NELL1: variants seen among roughly 807,000 people sequenced by gnomAD.
NELL1 encodes the protein neural EGFL like 1.
NELL1 carries 76 observed loss-of-function variants against 107.4 expected under a neutral mutation model. The ratio of observed to expected loss-of-function variants is 0.71; its 90% CI spans 0.59 to 0.86. NELL1 has a LOEUF of 0.86. Among genes scored for constraint, NELL1 ranks in the 40% least tolerant of loss-of-function variants. NELL1 has a pLI of 0.00. For missense variants in NELL1, 1,024 were observed against 1,005.5 expected (o/e 1.02, Z -0.25); for synonymous variants, 353 against 341.2 (o/e 1.03, Z -0.38).
chr11:21,508,474 C>T (rs973977418), intron 15 of NELL1, among the ~76,000 whole-genome samples: 13 of 151,922 alleles, frequency 8.6e-5, no homozygotes, highest in Non-Finnish European at 1.5e-4. Flanking sequence ...CAAAACATTG[C>T]AGAAAATAAA....
intron 12 of NELL1, among the ~76,000 whole-genome samples, chr11:21,034,717 C>T (rs951823690): frequency 6.6e-6 from 1 of 152,020 alleles, no homozygotes; most frequent in African/African-American, 2.4e-5. Context: ...AAGGATACAA[C>T]ATACTAGAAT....
chr11:21,158,261 C>T lies in NELL1; in HGVS notation c.1426+44547C>T, dbSNP rs181812750. On this transcript the variant is annotated intron_variant, in intron 13 of 19. Coordinates refer to ENST00000357134, the MANE Select transcript of NELL1 (RefSeq NM_006157.5). ...TCCCTACTTTTGAGATTTTGGGGCT[C>T]GGACTGGCTTCCTTGCTCCTCAGCT... 3.1e-3 allele frequency among the ~76,000 whole-genome samples: 475 copies of T among 152,272 alleles called. 1 individual carries two copies. The highest frequency in any genetic ancestry group is 4.7e-3 in the Non-Finnish European group (321 of 68,022).
chr11:21,270,752 C>A lies in NELL1; in HGVS notation c.1549+41298C>A, dbSNP rs150500273. On this transcript the variant is annotated intron_variant, in intron 14 of 19. Transcript: ENST00000357134. ...TCTTCTCAAGCTCACATGGAACATTCATCAAAATAAACCATGTTCTGGGTC... is the reference window on the plus strand; with the variant it reads ...TCTTCTCAAGCTCACATGGAACATTAATCAAAATAAACCATGTTCTGGGTC... Among the ~76,000 whole-genome samples, 345 of 152,174 alleles carry A rather than the reference C, an allele frequency of 2.3e-3. 3 individuals are homozygous for A. The highest frequency in any genetic ancestry group is 7.7e-3 in the African/African-American group (321 of 41,550).
At chr11:20,925,801 CA>C (rs1850484191) in intron 7 of NELL1, among the ~76,000 whole-genome samples, 1 of 151,990 alleles carries the variant, frequency 6.6e-6, no homozygotes, top group Non-Finnish European at 1.5e-5. Context: ...TGAGAAATTC[CA>C]AAAGCTTGGA....
At chr11:21,276,841 C>T (rs1177385136) in intron 14 of NELL1, among the ~76,000 whole-genome samples, 1 of 152,134 alleles carries the variant, frequency 6.6e-6, no homozygotes, top group Non-Finnish European at 1.5e-5. Context: ...AACTGGCTAG[C>T]CATACGTAGA....
rs1854458839 is a variant in NELL1 at position 21,480,225 on chromosome 11, T to C, written c.1646-54149T>C. Among the ~76,000 whole-genome samples, 3 of 152,188 alleles carry C rather than the reference T, an allele frequency of 2.0e-5. No homozygotes were observed. In the South Asian group the frequency reaches 6.2e-4, roughly 31 times the overall value. ...GAAGTTTTCCTGATGCTTTTACTAT[T>C]AGCTTTGGAATCAGTGAACCTTTAA... On this transcript the variant is annotated intron_variant, in intron 15 of 19. Transcript: ENST00000357134.
At chr11:21,266,935 T>C (rs1173937951) in intron 14 of NELL1, among the ~76,000 whole-genome samples, 1 of 152,142 alleles carries the variant, frequency 6.6e-6, no homozygotes, top group Non-Finnish European at 1.5e-5. Context: ...AACATGGAAT[T>C]AGAGTTAGCT....
chr11:21,368,742 T>G (rs1192219666), intron 14 of NELL1, among the ~76,000 whole-genome samples: 7 of 152,122 alleles, frequency 4.6e-5, no homozygotes, highest in African/African-American at 1.4e-4. Context: ...TTACATTGTA[T>G]TCTAGTATCA....
chr11:20,787,061 G>A (rs1590294180), intron 3 of NELL1, among the ~76,000 whole-genome samples: 2 of 145,988 alleles, frequency 1.4e-5, no homozygotes, highest in African/African-American at 5.1e-5. Flanking sequence ...TTGCAAGAGA[G>A]CCAAGCAGGC....
intron 4 of NELL1, among the ~76,000 whole-genome samples, chr11:20,856,052 G>A (rs557466921): frequency 6.6e-6 from 1 of 152,326 alleles, no homozygotes; most frequent in South Asian, 2.1e-4. Flanking sequence ...AGAGCTGTTG[G>A]ACACAAGAAA....
At chr11:21,424,663 G>T (rs1045059206) in intron 15 of NELL1, among the ~76,000 whole-genome samples, 1 of 151,958 alleles carries the variant, frequency 6.6e-6, no homozygotes, top group Non-Finnish European at 1.5e-5. Context: ...ACAAAAAAAT[G>T]AGTACGGTAT....
chr11:21,287,333 G>A (rs1429216072), intron 14 of NELL1, among the ~76,000 whole-genome samples: 1 of 151,996 alleles, frequency 6.6e-6, no homozygotes, highest in Admixed American at 6.6e-5. Context: ...TGTCTTGCCT[G>A]TAGTTTAGCC....
Position 20,885,522 on chromosome 11 carries a change from A to C in NELL1, c.585A>C (p.Gln195His), listed in dbSNP as rs757414487. Residue 195 changes from glutamine to histidine, a missense_variant, in exon 5 of 20, where the codon CAA becomes CAC. By Grantham distance (24) the Gln-to-His change is conservative (BLOSUM62 0). Transcript: ENST00000357134. ...GINLWLGQRN[Q>H]KHGLFKGIIQ... is the part of the protein sequence containing the mutation. The stretch of plus-strand genomic sequence containing the variant: ...ATTTATGGCTTGGCCAGCGCAACCA[A>C]AAGCATGGCTTATTCAAAGTAAGCA... 1 of 1,609,566 alleles carries C rather than the reference A, an allele frequency of 6.2e-7. No individual in the cohort carries two copies. Among genetic ancestry groups the C allele is most frequent in the Admixed American group, 1.7e-5 (1 of 60,012 alleles).
At chr11:21,484,056 A>T (rs1854565610) in intron 15 of NELL1, among the ~76,000 whole-genome samples, 1 of 132,748 alleles carries the variant, frequency 7.5e-6, no homozygotes, top group African/African-American at 2.8e-5. Flanking sequence ...TCATTATATA[A>T]AATATCCTAA....
chr11:21,421,710 AG>A, intron 15 of NELL1, among the ~76,000 whole-genome samples: 1 of 152,292 alleles, frequency 6.6e-6, no homozygotes, highest in Admixed American at 6.5e-5. Flanking sequence ...AGAGAGAAAA[AG>A]GAGCAGAGAG....
intron 12 of NELL1, among the ~76,000 whole-genome samples, chr11:20,975,058 G>A (rs2014808): frequency 0.17 from 25,486 of 151,956 alleles, 2,467 homozygotes; most frequent in Middle Eastern, 0.28. Flanking sequence ...CACTCATGCT[G>A]GAGTGCAGTG....
intron 2 of NELL1, among the ~76,000 whole-genome samples, chr11:20,754,287 C>G (rs1281835561): frequency 2.0e-5 from 3 of 152,144 alleles, no homozygotes; most frequent in Non-Finnish European, 4.4e-5. Flanking sequence ...AGAAATAAGA[C>G]AGTTAAATGT....
At chr11:21,489,312 C>A (rs1004752369) in intron 15 of NELL1, among the ~76,000 whole-genome samples, 2 of 140,026 alleles carry the variant, frequency 1.4e-5, no homozygotes, top group African/African-American at 2.7e-5. Flanking sequence ...AGCCCAGGAC[C>A]TGGTGGATTC....
At position 20,677,235 on chromosome 11, in the gene NELL1, C is replaced by T. The variant is rs554593858; in HGVS notation, c.56-697C>T. ...ACCCTTCTTCAACAGGGACAGGGTC[C>T]TTTTCCACTTTTTTCCTCCTTAACA... On this transcript the variant is annotated intron_variant, in intron 1 of 19. Transcript: ENST00000357134. 2.6e-5 allele frequency among the ~76,000 whole-genome samples: 4 copies of T among 152,172 alleles called. No individual in the cohort carries two copies. The South Asian group carries it at 8.3e-4, about 32-fold the overall frequency.
Sources: gnomAD v4.1 joint callset for allele counts (sites outside exome capture counted in the v4.1 genomes callset) on GRCh38, gnomAD v4.1.1 for gene constraint, MANE v1.5 for transcripts, NCBI Gene and HGNC (gene_info 2026-07-23, HGNC 2026-07-21) for gene names.